The following SLC24A2 variants were observed in gnomAD, a reference collection of about 807,000 sequenced individuals.
The protein encoded by SLC24A2 is solute carrier family 24 member 2, also known as sodium/potassium/calcium exchanger 2.
A neutral mutation model predicts 62.0 loss-of-function variants in SLC24A2; 36 were observed. That is an observed-to-expected ratio of 0.58 (90% CI 0.44 to 0.77). SLC24A2 has a LOEUF of 0.77. SLC24A2 is among the 30% of genes least tolerant of loss of function. SLC24A2 has a pLI of 0.00. For synonymous variants in SLC24A2, 358 were observed against 294.0 expected (o/e 1.22, Z -2.23); for missense variants, 846 against 817.9 (o/e 1.03, Z -0.42).
chr9:20,230,967 C>G, the SLC24A2 span, among the ~76,000 whole-genome samples: 3 of 152,122 alleles, frequency 2.0e-5, no homozygotes, highest in Non-Finnish European at 4.4e-5. Flanking sequence ...GCCAGTTTTC[C>G]CAGCACCATT....
intron 2 of SLC24A2, among the ~76,000 whole-genome samples, chr9:19,662,819 A>T (rs1411181195): frequency 6.6e-6 from 1 of 152,162 alleles, no homozygotes; most frequent in East Asian, 1.9e-4. Flanking sequence ...AATTTATGTT[A>T]TATACTCACA....
the SLC24A2 span, among the ~76,000 whole-genome samples, chr9:19,889,286 G>A: frequency 6.6e-6 from 1 of 152,152 alleles, no homozygotes; most frequent in Admixed American, 6.5e-5. Flanking sequence ...TAATCCACCT[G>A]AACTCCATTT....
intron 4 of SLC24A2, among the ~76,000 whole-genome samples, chr9:19,614,409 A>G (rs1344774964): frequency 6.6e-6 from 1 of 152,234 alleles, no homozygotes; most frequent in Non-Finnish European, 1.5e-5. Flanking sequence ...AGTCAGGCCA[A>G]CTTTGTCCCC....
the SLC24A2 span, among the ~76,000 whole-genome samples, chr9:19,948,277 A>T: frequency 2.6e-5 from 4 of 152,218 alleles, no homozygotes; most frequent in African/African-American, 9.6e-5. Context: ...CTGAGTTGCT[A>T]GGTTTAGGCC....
the SLC24A2 span, among the ~76,000 whole-genome samples, chr9:20,040,698 C>T: frequency 1.3e-5 from 2 of 152,294 alleles, no homozygotes; most frequent in Admixed American, 6.5e-5. Flanking sequence ...GCTGGGATTG[C>T]CCACAGTCAT....
intron 10 of SLC24A2, 130 bp downstream of exon 10, chr9:19,520,764 T>G (rs1297740061): frequency 2.4e-6 from 2 of 839,034 alleles, no homozygotes; most frequent in African/African-American, 3.4e-5. Context: ...AATGGTATTC[T>G]CAATCTTTAC....
chr9:19,737,353 T>G (rs1303803606), intron 2 of SLC24A2, among the ~76,000 whole-genome samples: 1 of 152,198 alleles, frequency 6.6e-6, no homozygotes, highest in Non-Finnish European at 1.5e-5. Context: ...TAGCAAAATG[T>G]CAAAGATTAT....
At chr9:20,057,251 T>C in the SLC24A2 span, among the ~76,000 whole-genome samples, 4 of 152,246 alleles carry the variant, frequency 2.6e-5, no homozygotes, top group African/African-American at 7.2e-5. Context: ...GAGCGTGTGA[T>C]GCTCATTATG....
At chr9:19,814,636 G>T in the SLC24A2 span, among the ~76,000 whole-genome samples, 1 of 152,088 alleles carries the variant, frequency 6.6e-6, no homozygotes, top group African/African-American at 2.4e-5. Context: ...GCCATAATCT[G>T]CATGATGAAC....
chr9:19,692,175 T>G (rs1480320796), intron 2 of SLC24A2, among the ~76,000 whole-genome samples: 1 of 152,166 alleles, frequency 6.6e-6, no homozygotes, highest in Non-Finnish European at 1.5e-5. Context: ...ACTAAAAGTA[T>G]AATTTAAAAA....
At chr9:20,243,430 A>T in the SLC24A2 span, among the ~76,000 whole-genome samples, 14 of 152,214 alleles carry the variant, frequency 9.2e-5, no homozygotes, top group African/African-American at 2.9e-4. Context: ...GCAGCATACT[A>T]AACAGTATAT....
chr9:19,872,028 C>A, the SLC24A2 span, among the ~76,000 whole-genome samples: 14 of 151,872 alleles, frequency 9.2e-5, no homozygotes, highest in South Asian at 2.9e-3. Flanking sequence ...GGTGTATGGA[C>A]CAATTAATTT....
chr9:20,228,090 C>G, the SLC24A2 span, among the ~76,000 whole-genome samples: 1 of 152,128 alleles, frequency 6.6e-6, no homozygotes, highest in Non-Finnish European at 1.5e-5. Flanking sequence ...AACACAAACA[C>G]TAGAATGTCA....
Position 19,786,378 on chromosome 9 carries a change from G to A in SLC24A2, c.489C>T (p.Val163=). 2 of 1,614,168 alleles carry A rather than the reference G, an allele frequency of 1.2e-6. No individual in the cohort carries two copies. Among genetic ancestry groups the A allele is most frequent in the Non-Finnish European group, 1.7e-6 (2 of 1,180,050 alleles). Residue 163 remains valine, a synonymous_variant, in exon 2 of 11, where the codon GTC becomes GTT. Transcript: ENST00000341998. The surrounding 1 kb of genome is among the most constrained non-coding windows in gnomAD (Gnocchi z 5.0). ...CAGAGATGCCCAGTTTTTCAGTGATGACAGTCAAAGAAGGAACAAAGAACT... is the reference window on the plus strand; with the variant it reads ...CAGAGATGCCCAGTTTTTCAGTGATAACAGTCAAAGAAGGAACAAAGAACT... ...CDEFFVPSLT[V]ITEKLGISDD... is the part of the protein sequence containing the mutation.
At chr9:19,978,951 T>C in the SLC24A2 span, among the ~76,000 whole-genome samples, 1 of 152,070 alleles carries the variant, frequency 6.6e-6, no homozygotes, top group Non-Finnish European at 1.5e-5. Flanking sequence ...AAAAATCTGG[T>C]TTATAAAGTG....
chr9:20,276,866 T>G, the SLC24A2 span, among the ~76,000 whole-genome samples: 1 of 152,214 alleles, frequency 6.6e-6, no homozygotes, highest in Non-Finnish European at 1.5e-5. Flanking sequence ...AGCTGTATGT[T>G]GGCCCCTTTT....
At chr9:19,566,519 G>C (rs1231089320) in intron 7 of SLC24A2, among the ~76,000 whole-genome samples, 1 of 151,624 alleles carries the variant, frequency 6.6e-6, no homozygotes, top group Non-Finnish European at 1.5e-5. Flanking sequence ...TGGTGGGACT[G>C]TAAACTAGTT....
intron 7 of SLC24A2, among the ~76,000 whole-genome samples, chr9:19,562,817 A>C (rs1835471756): frequency 6.6e-6 from 1 of 152,170 alleles, no homozygotes; most frequent in Non-Finnish European, 1.5e-5. Flanking sequence ...GAAAAATCCA[A>C]TCTAGGCTGG....
rs957805650 is a variant in SLC24A2 at position 19,616,497 on chromosome 9, T to C, written c.1078+3087A>G. On this transcript the variant is annotated intron_variant, in intron 4 of 10. Transcript: ENST00000341998. The stretch of plus-strand genomic sequence containing the variant: ...GTTTTAATTGCTACATAATACTGCC[T>C]TGCCCAAAATAAACATACTCAGGCC... Among the ~76,000 whole-genome samples, 19 of 152,198 alleles carry C rather than the reference T, an allele frequency of 1.2e-4. 1 individual carries two copies. The highest frequency in any genetic ancestry group is 6.5e-4 in the Admixed American group (10 of 15,280).
Sources: gnomAD v4.1 joint callset for allele counts (sites outside exome capture counted in the v4.1 genomes callset) on GRCh38, gnomAD v4.1.1 for gene constraint, Gnocchi (gnomAD v3.1) non-coding constraint, MANE v1.5 for transcripts, NCBI Gene and HGNC (gene_info 2026-07-23, HGNC 2026-07-21) for gene names.